The following MANBA variants were observed in gnomAD, a reference collection of about 807,000 sequenced individuals.
MANBA encodes the protein beta-mannosidase.
MANBA carries 83 observed loss-of-function variants against 111.1 expected under a neutral mutation model. The observed-to-expected ratio is 0.75, with a 90% CI of 0.63 to 0.90. MANBA has a LOEUF of 0.90. MANBA is among the 40% of genes least tolerant of loss of function. The pLI is 0.00. For missense variants in MANBA, 1,036 were observed against 1,069.0 expected (o/e 0.97, Z 0.43); for synonymous variants, 370 against 378.7 (o/e 0.98, Z 0.27).
chr4:102,685,226 C>T (rs1478084675), intron 7 of MANBA, among the ~76,000 whole-genome samples: 1 of 152,024 alleles, frequency 6.6e-6, no homozygotes, highest in African/African-American at 2.4e-5. Context: ...TTGACAGTTA[C>T]CTGAGTGTTC....
chr4:102,673,332 C>T (rs1429254841), intron 8 of MANBA, among the ~76,000 whole-genome samples: 1 of 151,912 alleles, frequency 6.6e-6, no homozygotes, highest in Non-Finnish European at 1.5e-5. Context: ...CATAGTGAAA[C>T]CCCATCTCTA....
At chr4:102,675,775 C>T (rs2110228157) in intron 7 of MANBA, among the ~76,000 whole-genome samples, 1 of 152,160 alleles carries the variant, frequency 6.6e-6, no homozygotes, top group East Asian at 1.9e-4. Flanking sequence ...TACCTTCTCA[C>T]CAGCCTGGCC....
intron 1 of MANBA, among the ~76,000 whole-genome samples, chr4:102,746,490 C>T (rs916971539): frequency 1.1e-4 from 17 of 152,186 alleles, no homozygotes; most frequent in Admixed American, 9.2e-4. Context: ...GTCCAGTGAA[C>T]GTAGGAGCAA....
At chr4:102,661,994 T>C (rs1393463466) in intron 11 of MANBA, among the ~76,000 whole-genome samples, 3 of 152,228 alleles carry the variant, frequency 2.0e-5, no homozygotes, top group Non-Finnish European at 2.9e-5. Context: ...TTAATACTAT[T>C]CATCTTTGAA....
chr4:102,723,947 A>T lies in MANBA; in HGVS notation c.293T>A (p.Leu98Ter). 3 of 1,609,498 alleles carry T rather than the reference A, an allele frequency of 1.9e-6. No homozygotes were observed. The South Asian group carries it at 3.3e-5, about 18-fold the overall frequency. ...FEISKWQKVN[L>*]ILEGVDTVSK... ...AACCGTATCCACTCCCTCAAGAATC[A>T]AATTTACTTTTTGCCATTTGCTAAA... The change falls in exon 3 of 17, where the codon TTG (leucine) becomes TAG (stop). Residue 98 changes from leucine to a stop codon, truncating the protein, a stop_gained. Coordinates refer to ENST00000647097, the MANE Select transcript of MANBA (RefSeq NM_005908.4). LOFTEE classifies it high-confidence loss of function.
intron 5 of MANBA, among the ~76,000 whole-genome samples, chr4:102,707,566 A>G (rs1282028940): frequency 6.6e-6 from 1 of 152,150 alleles, no homozygotes; most frequent in Non-Finnish European, 1.5e-5. Context: ...AAAACACCAA[A>G]CCACAGTGAT....
At chr4:102,751,973 C>T in intron 1 of MANBA, 1 of 712,050 alleles carries the variant, frequency 1.4e-6, no homozygotes, top group Non-Finnish European at 2.7e-6. Flanking sequence ...GCTGGAAGTG[C>T]AGAGTCTATA....
At chr4:102,698,412 T>TAA (rs1732841452) in intron 5 of MANBA, among the ~76,000 whole-genome samples, 1 of 150,156 alleles carries the variant, frequency 6.7e-6, no homozygotes, top group Admixed American at 6.6e-5. Flanking sequence ...TTTGGTGTTT[T>TAA]AGACATGAAG....
Position 102,673,968 on chromosome 4 carries a change from A to G in MANBA, c.1063T>C (p.Ser355Pro), listed in dbSNP as rs1348728036. 1 of 1,611,008 alleles carries G rather than the reference A, an allele frequency of 6.2e-7. No individual in the cohort carries two copies. Among genetic ancestry groups the G allele is most frequent in the Non-Finnish European group, 8.5e-7 (1 of 1,177,212 alleles). ...INGFPIFLKG[S>P]NWIPADSFQD... Reference sequence around the variant, plus strand: ...AATGAATCTGCTGGGATCCAGTTTGAGCCTTTTAGAAATATGGGAAATCCA... The same window carrying G: ...AATGAATCTGCTGGGATCCAGTTTGGGCCTTTTAGAAATATGGGAAATCCA... Residue 355 changes from serine (S) to proline (P), a missense_variant, in exon 8 of 17, where the codon TCA becomes CCA. Coordinates refer to ENST00000647097, the MANE Select transcript of MANBA (RefSeq NM_005908.4).
intron 7 of MANBA, among the ~76,000 whole-genome samples, chr4:102,676,513 C>G (rs1731736047): frequency 6.6e-6 from 1 of 151,966 alleles, no homozygotes; most frequent in South Asian, 2.1e-4. Flanking sequence ...AGCACTGCCA[C>G]TTTGCAATGA....
rs141618039 is a variant in MANBA, at chr4:102,732,420, G to A, written c.178-5737C>T. ...AAGTCAAGAAGGAAAAGCCAACTCT[G>A]TCTAAGTTCCACACAGGTAAGAGCC... On this transcript the variant is annotated intron_variant, in intron 1 of 16. Coordinates refer to ENST00000647097, the MANE Select transcript of MANBA (RefSeq NM_005908.4). Among the ~76,000 whole-genome samples, 206 of 152,358 alleles carry A rather than the reference G, an allele frequency of 1.4e-3. No homozygotes were observed. In the Middle Eastern group the frequency reaches 0.017, roughly 13 times the overall value.
intron 16 of MANBA, 46 bp downstream of exon 16, chr4:102,634,742 C>T: frequency 1.2e-6 from 2 of 1,611,760 alleles, no homozygotes; most frequent in Non-Finnish European, 8.5e-7. Context: ...GCAGGAGAAC[C>T]CCACAAGGCC....
chr4:102,701,382 G>A (rs1733032971), intron 5 of MANBA, among the ~76,000 whole-genome samples: 1 of 152,106 alleles, frequency 6.6e-6, no homozygotes, highest in African/African-American at 2.4e-5. Flanking sequence ...ATTGTTATGT[G>A]TGAATCTGAT....
chr4:102,751,368 A>C (rs1723784283), intron 1 of MANBA: 1 of 383,162 alleles, frequency 2.6e-6, no homozygotes, highest in Admixed American at 3.2e-5. Context: ...TTCTCTCTCT[A>C]CTAACCCAAA....
chr4:102,683,943 C>T (rs1258267062), intron 7 of MANBA, among the ~76,000 whole-genome samples: 1 of 152,124 alleles, frequency 6.6e-6, no homozygotes, highest in Non-Finnish European at 1.5e-5. Flanking sequence ...AGATATTCTG[C>T]CATGTTCACA....
chr4:102,729,205 C>T, intron 1 of MANBA: 3 of 728,368 alleles, frequency 4.1e-6, no homozygotes, highest in South Asian at 1.4e-5. Flanking sequence ...GCCTTTGAGG[C>T]CCTCAGTCTC....
At chr4:102,674,673 T>C (rs941116070) in intron 7 of MANBA, among the ~76,000 whole-genome samples, 6 of 152,340 alleles carry the variant, frequency 3.9e-5, no homozygotes, top group South Asian at 2.1e-4. Flanking sequence ...CTCTGTGCTA[T>C]TGGTGCTCTG....
At chr4:102,639,936 G>C in intron 13 of MANBA, 79 bp from the exon 14 acceptor site, 3 of 1,532,026 alleles carry the variant, frequency 2.0e-6, no homozygotes, top group Non-Finnish European at 1.8e-6. Flanking sequence ...ACAGGGTTTA[G>C]TTTTGTTTTG....
chr4:102,687,137 C>G (rs1226776818), intron 7 of MANBA, among the ~76,000 whole-genome samples: 1 of 152,150 alleles, frequency 6.6e-6, no homozygotes, highest in African/African-American at 2.4e-5. Flanking sequence ...AAACCAGCAG[C>G]TGAGGAACCA....
Sources: gnomAD v4.1 joint callset for allele counts (sites outside exome capture counted in the v4.1 genomes callset) on GRCh38, gnomAD v4.1.1 for gene constraint, MANE v1.5 for transcripts, NCBI Gene and HGNC (gene_info 2026-07-23, HGNC 2026-07-21) for gene names.